The following TMEM245 variants were observed in gnomAD, a reference collection of about 807,000 sequenced individuals.
The protein encoded by TMEM245 is transmembrane protein 245, also known as protein CG-2.
TMEM245 carries 69 observed loss-of-function variants against 101.2 expected under a neutral mutation model. The ratio of observed to expected loss-of-function variants is 0.68; its 90% CI spans 0.56 to 0.83. The LOEUF is 0.83. Among genes scored for constraint, TMEM245 ranks in the 40% least tolerant of loss-of-function variants. The pLI, the probability that TMEM245 is intolerant of heterozygous loss-of-function variation, is 0.00. For missense variants in TMEM245, 1,075 were observed against 1,092.8 expected (o/e 0.98, Z 0.23); for synonymous variants, 537 against 449.8 (o/e 1.19, Z -2.45).
chr9:109,042,965 C>G (rs1023587548), intron 14 of TMEM245, among the ~76,000 whole-genome samples: 1 of 151,696 alleles, frequency 6.6e-6, no homozygotes, highest in Non-Finnish European at 1.5e-5. Flanking sequence ...CCCGCCTCAG[C>G]CTCCCAAGTA....
At chr9:109,081,383 C>A (rs1257792162) in intron 7 of TMEM245, among the ~76,000 whole-genome samples, 5 of 151,982 alleles carry the variant, frequency 3.3e-5, no homozygotes, top group Non-Finnish European at 5.9e-5. Flanking sequence ...ATAATACAGG[C>A]ATGGACTAAA....
At chr9:109,066,979 C>A (rs1196111326) in intron 9 of TMEM245, among the ~76,000 whole-genome samples, 1 of 151,248 alleles carries the variant, frequency 6.6e-6, no homozygotes, top group Non-Finnish European at 1.5e-5. Context: ...TTGCTTGAAC[C>A]CAGGAGGCAG....
intron 4 of TMEM245, among the ~76,000 whole-genome samples, chr9:109,092,266 T>C (rs1248035336): frequency 6.6e-6 from 1 of 152,214 alleles, no homozygotes; most frequent in African/African-American, 2.4e-5. Context: ...TTCCCTGTTG[T>C]TTCATAATTT....
chr9:109,119,628 G>C lies in TMEM245; in HGVS notation c.286C>G (p.Pro96Ala). 1 of 1,563,190 alleles carries C rather than the reference G, an allele frequency of 6.4e-7. No individual in the cohort carries two copies. The highest frequency in any genetic ancestry group is 1.2e-5 in the South Asian group (1 of 85,176). The change falls in exon 1 of 18, where the codon CCC (proline) becomes GCC (alanine). Residue 96 changes from proline to alanine, a missense_variant. Around this residue, in one of 2 missense-constraint regions of TMEM245, gnomAD observed 808 missense variants for 741.5 expected, o/e 1.09. Coordinates refer to ENST00000374586, the MANE Select transcript of TMEM245 (RefSeq NM_032012.4). ...AGGCGCGTCAGCGAGCTCTTGAAGG[G>C]GTGCAGAAAAGTGCCGCATAGCACG... is the stretch of plus-strand genomic sequence containing the variant. The part of the protein sequence containing the change: ...WAVLCGTFLH[P>A]FKSSLTRLGR...
At chr9:109,092,754 C>A (rs1276951936) in intron 4 of TMEM245, among the ~76,000 whole-genome samples, 6 of 152,140 alleles carry the variant, frequency 3.9e-5, no homozygotes, top group Non-Finnish European at 7.4e-5. Context: ...ACTAAGGTGG[C>A]CTTTTACATT....
At chr9:109,046,120 G>A (rs528624145) in intron 14 of TMEM245, 18 of 317,652 alleles carry the variant, frequency 5.7e-5, no homozygotes, top group South Asian at 1.9e-4. Context: ...AATGAGAATC[G>A]CATGGCATAC....
chr9:109,032,448 G>A (rs890630837), intron 17 of TMEM245, among the ~76,000 whole-genome samples: 4 of 123,864 alleles, frequency 3.2e-5, no homozygotes, highest in Admixed American at 2.0e-4. Flanking sequence ...CCAATGGCAT[G>A]ATCTCGGATC....
rs534001407 is a variant in TMEM245, at chr9:109,081,072, G to A, written c.1345-129C>T. 508 of 620,178 alleles carry A rather than the reference G, an allele frequency of 8.2e-4. 13 individuals are homozygous for A. In the Admixed American group the frequency reaches 0.015, roughly 18 times the overall value. The allele number at this position is 620,178 out of a possible 1,614,324, so 38.4% of individuals were successfully genotyped here. A position where few individuals can be genotyped will look rare whatever the true frequency, so the allele number is the denominator to read the frequency against. On this transcript the variant is annotated intron_variant, in intron 7 of 17. Transcript: ENST00000374586. The stretch of plus-strand genomic sequence containing the variant: ...AGCAAATTATGGCATAATAATTAAA[G>A]CAATAAAAGCTTTAAGCAACTTTAA...
chr9:109,108,383 T>A, intron 2 of TMEM245, 70 bp downstream of exon 2: 1 of 776,164 alleles, frequency 1.3e-6, no homozygotes. Flanking sequence ...TTCACTTTCA[T>A]TCACACAGTC....
intron 14 of TMEM245, chr9:109,046,097 T>C (rs1030883722): frequency 1.1e-5 from 3 of 264,894 alleles, no homozygotes; most frequent in African/African-American, 4.4e-5. Flanking sequence ...ATGGGAAGCA[T>C]GTTCACTTTC....
In TMEM245 at chr9:109,022,676, A is replaced by T. The variant is rs867630081; in HGVS notation, c.2595-2171T>A. Among the ~76,000 whole-genome samples the T allele has an allele frequency of 1.5e-4, 23 of 152,302 alleles. No individual in the cohort carries two copies. In the Middle Eastern group the frequency reaches 0.014, roughly 90 times the overall value. On this transcript the variant is annotated intron_variant, in intron 17 of 17. Transcript: ENST00000374586. ...TCCTGTCAGAACTAAAGCTCTAGAT[A>T]GCTATTTTTCACAGTCTCACCCAAG...
intron 12 of TMEM245, among the ~76,000 whole-genome samples, chr9:109,052,265 C>G (rs1186616369): frequency 6.6e-6 from 1 of 152,218 alleles, no homozygotes; most frequent in East Asian, 1.9e-4. Context: ...CCCAACAATG[C>G]TGTGAACGAA....
intron 17 of TMEM245, among the ~76,000 whole-genome samples, chr9:109,032,755 T>A (rs1401940384): frequency 1.3e-5 from 2 of 151,830 alleles, no homozygotes; most frequent in Non-Finnish European, 2.9e-5. Flanking sequence ...TTAGATTTTT[T>A]AAATTTATTT....
intron 9 of TMEM245, among the ~76,000 whole-genome samples, chr9:109,064,951 C>T (rs1019812333): frequency 1.3e-5 from 2 of 151,952 alleles, no homozygotes; most frequent in Non-Finnish European, 2.9e-5. Context: ...CCACGCCTGG[C>T]TAATTTTGTA....
intron 17 of TMEM245, among the ~76,000 whole-genome samples, chr9:109,021,407 C>G (rs1827617656): frequency 6.6e-6 from 1 of 152,192 alleles, no homozygotes; most frequent in Non-Finnish European, 1.5e-5. Context: ...CAGTCTATTA[C>G]CATTCTTTTA....
rs755399182 is a variant in TMEM245, at chr9:109,032,365, C to CTTTTTTTTTTTTT, written c.2594+929_2594+941dup. On this transcript the variant is annotated intron_variant, in intron 17 of 17. Coordinates refer to ENST00000374586, the MANE Select transcript of TMEM245 (RefSeq NM_032012.4). ...GCATTTGGTTGTCCTATTTCTTTTC[C>CTTTTTTTTTTTTT]TTTTTTTTTTTTTTTTTTTTTTTTT... Among the ~76,000 whole-genome samples, 172 of 40,980 alleles carry CTTTTTTTTTTTTT rather than the reference C, an allele frequency of 4.2e-3. 65 individuals are homozygous for CTTTTTTTTTTTTT. Among genetic ancestry groups the CTTTTTTTTTTTTT allele is most frequent in the Non-Finnish European group, 5.7e-3 (128 of 22,614 alleles). 26.9% of individuals were successfully genotyped at this position (40,980 alleles called of 152,430 possible). A position where few individuals can be genotyped will look rare whatever the true frequency, so the allele number is the denominator to read the frequency against.
chr9:109,115,550 A>T (rs1830700756), intron 1 of TMEM245, among the ~76,000 whole-genome samples: 1 of 86,218 alleles, frequency 1.2e-5, no homozygotes, highest in Admixed American at 1.2e-4. Context: ...TTTTTTTTTA[A>T]GACAGAGTCT....
At chr9:109,052,387 C>T (rs146257456) in intron 12 of TMEM245, among the ~76,000 whole-genome samples, 1,762 of 152,336 alleles carry the variant, frequency 0.012, 16 homozygotes, top group South Asian at 0.033. Context: ...GAGCTTAGAG[C>T]TTAAATGTTG....
intron 14 of TMEM245, chr9:109,038,856 T>C (rs1209983518): frequency 6.6e-6 from 1 of 152,204 alleles, no homozygotes; most frequent in Non-Finnish European, 1.5e-5. Flanking sequence ...GTTGGAAGAT[T>C]AGTAAGGCAG....
Sources: gnomAD v4.1 joint callset for allele counts (sites outside exome capture counted in the v4.1 genomes callset) on GRCh38, gnomAD v4.1.1 for gene constraint, gnomAD v4.1.1 regional missense constraint, MANE v1.5 for transcripts, NCBI Gene and HGNC (gene_info 2026-07-23, HGNC 2026-07-21) for gene names.